The following RBL1 variants were observed in gnomAD, a reference collection of about 807,000 sequenced individuals.
The protein encoded by RBL1 is retinoblastoma-like protein 1.
RBL1 carries 82 observed loss-of-function variants against 123.0 expected under a neutral mutation model. The observed-to-expected ratio is 0.67, with a 90% CI of 0.56 to 0.80. RBL1 has a LOEUF of 0.80. RBL1 is among the 30% of genes least tolerant of loss of function. RBL1 has a pLI of 0.00. For synonymous variants in RBL1, 405 were observed against 441.3 expected (o/e 0.92, Z 1.03); for missense variants, 1,171 against 1,299.6 (o/e 0.90, Z 1.52).
chr20:37,007,333 A>G, intron 20 of RBL1, 78 bp downstream of exon 20: 1 of 1,485,520 alleles, frequency 6.7e-7, no homozygotes. Flanking sequence ...ACTTGGACAT[A>G]TTTATCTAGC....
intron 2 of RBL1, among the ~76,000 whole-genome samples, chr20:37,070,805 T>A (rs1271975586): frequency 2.0e-5 from 3 of 152,150 alleles, no homozygotes; most frequent in Non-Finnish European, 2.9e-5. Flanking sequence ...TACATTTTTT[T>A]ATGTCCCTAT....
chr20:36,998,880 T>G lies in RBL1; in HGVS notation c.3086A>C (p.Lys1029Thr), dbSNP rs751327207. 5.6e-6 allele frequency: 9 copies of G among 1,613,710 alleles called. No homozygotes were observed. The Admixed American group carries it at 1.3e-4, about 24-fold the overall frequency. The change falls in exon 22 of 22, where the codon AAG (lysine) becomes ACG (threonine). Residue 1029 changes from lysine (K) to threonine (T), a missense_variant. Lys to Thr is a moderately conservative substitution (Grantham distance 78, BLOSUM62 -1). Coordinates refer to ENST00000373664, the MANE Select transcript of RBL1 (RefSeq NM_002895.5). ...ACTATCGATGGCTATTACTCGCTTC[T>G]TGGTTCTCTGCTCACCTTGCCTTAT... ...NMIRQGEQRT[K>T]KRVIAIDSDA...
chr20:37,064,261 C>T (rs932323333), intron 7 of RBL1, among the ~76,000 whole-genome samples: 4 of 151,892 alleles, frequency 2.6e-5, no homozygotes, highest in African/African-American at 9.7e-5. Flanking sequence ...CCTCAGCCTC[C>T]CAAGTAGCTG....
intron 1 of RBL1, among the ~76,000 whole-genome samples, chr20:37,091,100 T>C (rs1296887056): frequency 6.6e-6 from 1 of 152,156 alleles, no homozygotes; most frequent in East Asian, 1.9e-4. Flanking sequence ...CTCACGTCTG[T>C]AATCCTAGCA....
intron 11 of RBL1, among the ~76,000 whole-genome samples, chr20:37,052,685 T>G (rs1401026935): frequency 6.6e-6 from 1 of 152,140 alleles, no homozygotes. Context: ...AATTTTTGTA[T>G]TTTTAGTTGA....
At chr20:37,043,097 T>C (rs2064758388) in intron 13 of RBL1, among the ~76,000 whole-genome samples, 1 of 151,472 alleles carries the variant, frequency 6.6e-6, no homozygotes, top group South Asian at 2.1e-4. Flanking sequence ...CTGCTTGAGC[T>C]CAGGAGTTTG....
chr20:37,020,369 G>A (rs989456703), intron 18 of RBL1, among the ~76,000 whole-genome samples: 3 of 152,038 alleles, frequency 2.0e-5, no homozygotes, highest in Admixed American at 2.0e-4. Flanking sequence ...GATTACAGGC[G>A]TGAGACACCG....
rs1226102938 is a variant in RBL1 at position 37,032,696 on chromosome 20, C to A, written c.2351G>T (p.Arg784Ile). The stretch of plus-strand genomic sequence containing the variant: ...GTAAAATAGTGCTAAGGACCCAGTT[C>A]TCTTTGGCCTGTTTATTCCAGTTGA... ...VHSTGINRPK[R>I]TGSLALFYRK... Residue 784 changes from arginine (R) to isoleucine (I), a missense_variant, in exon 16 of 22, where the codon AGA (arginine) becomes ATA (isoleucine). Arg to Ile is a moderately conservative substitution (Grantham distance 97). Coordinates refer to ENST00000373664, the MANE Select transcript of RBL1 (RefSeq NM_002895.5). 6.2e-7 allele frequency: 1 copy of A among 1,613,862 alleles called. No homozygotes were observed. Among genetic ancestry groups the A allele is most frequent in the African/African-American group, 1.3e-5 (1 of 74,880 alleles).
At chr20:37,001,685 C>T (rs1229034279) in intron 21 of RBL1, among the ~76,000 whole-genome samples, 1 of 145,880 alleles carries the variant, frequency 6.9e-6, no homozygotes, top group Non-Finnish European at 1.5e-5. Flanking sequence ...ATCTGCTGAC[C>T]TTCCCTCCAC....
At chr20:37,032,475 C>T (rs535145882) in intron 16 of RBL1, among the ~76,000 whole-genome samples, 190 bp downstream of exon 16, 122 of 151,838 alleles carry the variant, frequency 8.0e-4, no homozygotes, top group African/African-American at 2.8e-3. Context: ...TGGAGATAGA[C>T]GGTAGTAATA....
chr20:37,022,467 T>C (rs1273039458), intron 17 of RBL1, among the ~76,000 whole-genome samples, 183 bp downstream of exon 17: 1 of 152,106 alleles, frequency 6.6e-6, no homozygotes, highest in Non-Finnish European at 1.5e-5. Flanking sequence ...GCTGGGCCTA[T>C]AGGTGCAAGC....
chr20:37,017,620 T>TTGTGTGTGTG (rs147347259), intron 19 of RBL1, among the ~76,000 whole-genome samples: 3,356 of 139,766 alleles, frequency 0.024, 56 homozygotes, highest in Non-Finnish European at 0.028. Context: ...GGACATTTTC[T>TTGTGTGTGTG]TGTGTGTGTG....
At chr20:37,000,164 C>A (rs1442447205) in intron 21 of RBL1, among the ~76,000 whole-genome samples, 3 of 146,084 alleles carry the variant, frequency 2.1e-5, no homozygotes, top group African/African-American at 7.6e-5. Context: ...AGTGAGGAGA[C>A]CCTCTGCCTG....
Position 37,095,868 on chromosome 20 carries a change from G to C in RBL1, c.61C>G (p.Leu21Val), listed in dbSNP as rs1486766212. 1.9e-6 allele frequency: 3 copies of C among 1,606,444 alleles called. No individual in the cohort carries two copies. The highest frequency in any genetic ancestry group is 4.5e-5 in the East Asian group (2 of 44,680). The part of the protein sequence containing the change: ...AAVVAAAGEA[L>V]QALCQELNLD... ...TTCAGCTCCTGGCACAGGGCCTGTAGCGCCTCCCCGGCTGCGGCGACCACC... is the reference window on the plus strand; with the variant it reads ...TTCAGCTCCTGGCACAGGGCCTGTACCGCCTCCCCGGCTGCGGCGACCACC... Residue 21 changes from leucine to valine, a missense_variant, in exon 1 of 22, where the codon CTA becomes GTA. Transcript: ENST00000373664.
chr20:37,038,978 C>G (rs977419121), intron 14 of RBL1, among the ~76,000 whole-genome samples: 2 of 152,156 alleles, frequency 1.3e-5, no homozygotes, highest in Non-Finnish European at 2.9e-5. Context: ...CACAATCACA[C>G]AGAGTCCAAA....
Position 37,035,236 on chromosome 20 carries a change from C to G in RBL1, c.2170+6G>C, listed in dbSNP as rs151249684. 3.7e-6 allele frequency: 6 copies of G among 1,608,408 alleles called. No individual in the cohort carries two copies. The Admixed American group carries it at 6.7e-5, about 18-fold the overall frequency. ...AAAGTACAAAACAAATGCACTATAACGTTACCATGTAATGGAATTGTAACT... is the reference window on the plus strand; with the variant it reads ...AAAGTACAAAACAAATGCACTATAAGGTTACCATGTAATGGAATTGTAACT... On this transcript the variant is annotated splice_donor_region_variant and intron_variant, in intron 15 of 21. Coordinates refer to ENST00000373664, the MANE Select transcript of RBL1 (RefSeq NM_002895.5).
At chr20:37,073,836 T>C (rs1257706383) in intron 2 of RBL1, among the ~76,000 whole-genome samples, 1 of 149,514 alleles carries the variant, frequency 6.7e-6, no homozygotes, top group Non-Finnish European at 1.5e-5. Flanking sequence ...CTGGGCAACA[T>C]AGTGTGATCT....
chr20:37,008,460 C>T (rs1383378757), intron 19 of RBL1, among the ~76,000 whole-genome samples: 1 of 152,184 alleles, frequency 6.6e-6, no homozygotes, highest in Non-Finnish European at 1.5e-5. Flanking sequence ...AAAATAACAG[C>T]TTACCCCAAC....
In RBL1 at chr20:37,072,923, T is replaced by A. The variant is rs566460992; in HGVS notation, c.291-4737A>T. ...AAAGATTTTATCACCTATCCAATAC[T>A]TCTTTTAGGTCAGGCAAAGTTGGTA... On this transcript the variant is annotated intron_variant, in intron 2 of 21. Coordinates refer to ENST00000373664, the MANE Select transcript of RBL1 (RefSeq NM_002895.5). Among the ~76,000 whole-genome samples, 8 of 152,318 alleles carry A rather than the reference T, an allele frequency of 5.3e-5. 1 individual carries two copies. The South Asian group carries it at 1.7e-3, about 32-fold the overall frequency.
Sources: gnomAD v4.1 joint callset for allele counts (sites outside exome capture counted in the v4.1 genomes callset) on GRCh38, gnomAD v4.1.1 for gene constraint, MANE v1.5 for transcripts, NCBI Gene and HGNC (gene_info 2026-07-23, HGNC 2026-07-21) for gene names.